Variants in PAPPA2 observed in about 807,000 individuals in gnomAD.
PAPPA2 encodes the protein pappalysin 2.
In PAPPA2, 86 loss-of-function variants were observed where a neutral mutation model predicts 176.4. The ratio of observed to expected loss-of-function variants is 0.49; its 90% confidence interval spans 0.41 to 0.58. PAPPA2 has a LOEUF of 0.58. PAPPA2 is among the 20% of genes least tolerant of loss of function. PAPPA2 has a pLI of 0.00. For synonymous variants in PAPPA2, 809 were observed against 852.2 expected (o/e 0.95, Z 0.88); for missense variants, 2,073 against 2,256.9 (o/e 0.92, Z 1.65).
chr1:176,702,773 G>A (rs1182992097), intron 9 of PAPPA2, 38 bp downstream of exon 9: 3 of 1,477,432 alleles, frequency 2.0e-6, no homozygotes, highest in Non-Finnish European at 2.8e-6. Context: ...GTGTGTGTGT[G>A]TGTGAGAGAG....
intron 6 of PAPPA2, among the ~76,000 whole-genome samples, chr1:176,694,589 G>T (rs746724337): frequency 6.6e-6 from 1 of 152,152 alleles, no homozygotes; most frequent in African/African-American, 2.4e-5. Context: ...TGATGCCTCC[G>T]TTTTCAGATG....
intron 3 of PAPPA2, among the ~76,000 whole-genome samples, chr1:176,604,143 T>C (rs1224150099): frequency 6.6e-6 from 1 of 152,206 alleles, no homozygotes; most frequent in Non-Finnish European, 1.5e-5. Flanking sequence ...TCCCACTTTC[T>C]TCTGGTCTTT....
chr1:176,744,144 A>G (rs963321972), intron 14 of PAPPA2, among the ~76,000 whole-genome samples: 3 of 152,172 alleles, frequency 2.0e-5, no homozygotes, highest in African/African-American at 7.2e-5. Context: ...ATAGTTAAGT[A>G]TATAATTTTT....
chr1:176,657,740 T>C (rs1376002882), intron 3 of PAPPA2, among the ~76,000 whole-genome samples: 1 of 152,004 alleles, frequency 6.6e-6, no homozygotes, highest in African/African-American at 2.4e-5. Context: ...AAATTAGAGA[T>C]ACTTATTATG....
intron 5 of PAPPA2, 77 bp from the exon 6 acceptor site, chr1:176,692,049 C>T: frequency 7.1e-7 from 1 of 1,403,104 alleles, no homozygotes; most frequent in Non-Finnish European, 9.8e-7. Context: ...ATGAACAAGA[C>T]ACAAATTTAT....
At chr1:176,789,238 T>A (rs866382776) in intron 17 of PAPPA2, among the ~76,000 whole-genome samples, 5 of 152,236 alleles carry the variant, frequency 3.3e-5, no homozygotes, top group Admixed American at 6.5e-5. Flanking sequence ...AATGATGAGT[T>A]CATGTCCTTT....
At chr1:176,562,415 A>C (rs1412377271) in intron 2 of PAPPA2, among the ~76,000 whole-genome samples, 2 of 152,212 alleles carry the variant, frequency 1.3e-5, no homozygotes, top group Admixed American at 6.5e-5. Context: ...CCCTTTATCC[A>C]ATAGGACTCA....
chr1:176,481,879 A>AT lies in PAPPA2; in HGVS notation c.-917+18473dup, dbSNP rs796526652. ...ACCACTATGCCTGGCTAAACTTTGT[A>AT]TTTTTTTTTTTTAGTAGAGATCTGG... On this transcript the variant is annotated intron_variant, in intron 1 of 22. Transcript: ENST00000367662. Among the ~76,000 whole-genome samples, 1,363 of 144,660 alleles carry AT rather than the reference A, an allele frequency of 9.4e-3. 18 individuals carry two copies. Among genetic ancestry groups the AT allele is most frequent in the Admixed American group, 0.035 (509 of 14,502 alleles). 94.9% of individuals were successfully genotyped at this position (144,660 alleles called of 152,430 possible).
chr1:176,792,900 C>A (rs1230374239), intron 19 of PAPPA2, among the ~76,000 whole-genome samples: 3 of 152,040 alleles, frequency 2.0e-5, no homozygotes. Context: ...GGGAATAGAG[C>A]AAGATTTTTC....
rs534580139 is a variant in PAPPA2, at chr1:176,630,241, C to G, written c.1991+34646C>G. 2.0e-5 allele frequency among the ~76,000 whole-genome samples: 3 copies of G among 151,958 alleles called. No individual in the cohort carries two copies. The East Asian group carries it at 5.8e-4, about 29-fold the overall frequency. ...CAGATAGGAAAGTGAAGGAAACTTA[C>G]GTAGGTAGTAAAATTTGAATGATGA... is the stretch of plus-strand genomic sequence containing the variant. On this transcript the variant is annotated intron_variant, in intron 3 of 22. Transcript: ENST00000367662.
chr1:176,695,893 G>A, intron 7 of PAPPA2, 34 bp downstream of exon 7: 1 of 1,608,950 alleles, frequency 6.2e-7, no homozygotes, highest in Non-Finnish European at 8.5e-7. Context: ...TTTATACCCT[G>A]GTGACCACTG....
intron 3 of PAPPA2, among the ~76,000 whole-genome samples, chr1:176,658,357 A>G (rs552007062): frequency 2.6e-5 from 4 of 152,162 alleles, no homozygotes; most frequent in Non-Finnish European, 4.4e-5. Flanking sequence ...TGTTCCAGAT[A>G]CTATATATTT....
At position 176,812,309 on chromosome 1, in the gene PAPPA2, G is replaced by A. The variant is rs141185513; in HGVS notation, c.5202+12177G>A. Among the ~76,000 whole-genome samples the A allele has an allele frequency of 3.5e-3, 524 of 151,196 alleles. 1 individual carries two copies. The highest frequency in any genetic ancestry group is 9.9e-3 in the Admixed American group (150 of 15,150). On this transcript the variant is annotated intron_variant, in intron 21 of 22. Transcript: ENST00000367662. ...TTAAATATTACTCGCCTGCAGAATTGCCATCACAGAAATGCTACCATCTTT... is the reference window on the plus strand; with the variant it reads ...TTAAATATTACTCGCCTGCAGAATTACCATCACAGAAATGCTACCATCTTT...
chr1:176,576,096 C>G (rs1462914293), intron 2 of PAPPA2, among the ~76,000 whole-genome samples: 1 of 152,010 alleles, frequency 6.6e-6, no homozygotes, highest in Admixed American at 6.6e-5. Flanking sequence ...AACAATGATT[C>G]CTAGAAGTGA....
At chr1:176,781,062 T>C (rs148832728) in intron 17 of PAPPA2, among the ~76,000 whole-genome samples, 18 of 152,002 alleles carry the variant, frequency 1.2e-4, no homozygotes, top group African/African-American at 4.3e-4. Flanking sequence ...CTCATGAAAA[T>C]AGATGAAGTA....
intron 21 of PAPPA2, among the ~76,000 whole-genome samples, chr1:176,815,654 G>C (rs1211894777): frequency 1.3e-5 from 2 of 152,056 alleles, no homozygotes; most frequent in East Asian, 3.9e-4. Context: ...GAGGACATGT[G>C]CCCACGGTAG....
chr1:176,619,569 A>G (rs1177267075), intron 3 of PAPPA2, among the ~76,000 whole-genome samples: 1 of 152,210 alleles, frequency 6.6e-6, no homozygotes, highest in African/African-American at 2.4e-5. Flanking sequence ...AAAAGCATTT[A>G]TATATAATTC....
intron 3 of PAPPA2, among the ~76,000 whole-genome samples, chr1:176,614,637 G>A (rs887543416): frequency 9.9e-5 from 15 of 152,048 alleles, no homozygotes; most frequent in Non-Finnish European, 1.8e-4. Flanking sequence ...TTGGGGACAG[G>A]TGGTTTTTGG....
intron 1 of PAPPA2, among the ~76,000 whole-genome samples, chr1:176,481,252 G>A (rs1483697543): frequency 4.3e-5 from 6 of 140,312 alleles, no homozygotes; most frequent in East Asian, 2.3e-4. Context: ...AGATTTTAAA[G>A]CACACACACA....
Sources: allele counts gnomAD v4.1 joint callset (sites outside exome capture counted in the v4.1 genomes callset), GRCh38; gene constraint gnomAD v4.1.1; transcripts MANE v1.5; gene names NCBI Gene and HGNC (gene_info 2026-07-23, HGNC 2026-07-21).